Variants in CYTH2 observed in about 807,000 individuals in gnomAD.
CYTH2 encodes the protein cytohesin-2.
Under a neutral mutation model 55.4 loss-of-function variants are expected in CYTH2, and 24 were observed. The ratio of observed to expected loss-of-function variants is 0.43; its 90% CI spans 0.31 to 0.61. The LOEUF (loss-of-function observed/expected upper bound fraction) is 0.61, where lower values mean the gene tolerates loss of function less well. CYTH2 is among the 20% of genes least tolerant of loss of function. The pLI is 0.08. For missense variants in CYTH2, 378 were observed against 533.5 expected, an observed-to-expected ratio of 0.71 and a Z score of 2.87; for synonymous variants, 221 against 209.6, an observed-to-expected ratio of 1.05 and a Z score of -0.47.
At chr19:48,475,112 A>C in intron 8 of CYTH2, 163 bp downstream of exon 8, 1 of 628,234 alleles carries the variant, frequency 1.6e-6, no homozygotes, top group Non-Finnish European at 2.7e-6. Flanking sequence ...TGAAAATAAA[A>C]TCAGGCCTGT....
At chr19:48,476,464 C>G (rs1040673916) in intron 8 of CYTH2, 1 of 153,312 alleles carries the variant, frequency 6.5e-6, no homozygotes, top group Non-Finnish European at 1.5e-5. Flanking sequence ...TCCCTGCATT[C>G]GATCCAAGGG....
chr19:48,474,016 A>G lies in CYTH2; in HGVS notation c.546A>G (p.Thr182=). 1 of 1,605,820 alleles carries G rather than the reference A, an allele frequency of 6.2e-7. No individual in the cohort carries two copies. Among genetic ancestry groups the G allele is most frequent in the Non-Finnish European group, 8.5e-7 (1 of 1,176,208 alleles). ...GCAACCCTGGGGTTTTCCAGTCCAC[A>G]GGTGCGGGCCCCAAATCCTGGGTCC... ...CLCNPGVFQS[T]DTCYVLSFAV... The change falls in exon 6 of 12, where the codon ACA becomes ACG. Residue 182 remains threonine, a splice_region_variant and synonymous_variant. Transcript: ENST00000452733. The surrounding 1 kb of genome is among the most constrained non-coding windows in gnomAD (Gnocchi z 4.9).
At chr19:48,477,652 C>T (rs1971943074) in intron 8 of CYTH2, 1 of 194,540 alleles carries the variant, frequency 5.1e-6, no homozygotes, top group Non-Finnish European at 1.1e-5. Context: ...CTTGGGGGTG[C>T]TCCATTCTCC....
At chr19:48,475,054 T>G in intron 8 of CYTH2, 105 bp downstream of exon 8, 1 of 993,038 alleles carries the variant, frequency 1.0e-6, no homozygotes, top group South Asian at 1.5e-5. Flanking sequence ...CTGAGGCAAA[T>G]GATTCGACCT....
At chr19:48,478,193 G>T (rs762203041) in intron 9 of CYTH2, 48 bp downstream of exon 9, 1 of 1,612,506 alleles carries the variant, frequency 6.2e-7, no homozygotes, top group South Asian at 1.1e-5. Context: ...GGAGTGGCTG[G>T]GAGCCTGGAC....
At chr19:48,477,934 C>G (rs960489064) in intron 8 of CYTH2, 135 bp from the exon 9 acceptor site, 11 of 653,694 alleles carry the variant, frequency 1.7e-5, no homozygotes, top group South Asian at 5.7e-5. Flanking sequence ...TCTGTCTCCC[C>G]CAACGCAGCG....
chr19:48,470,155 T>A (rs1971760713), intron 1 of CYTH2, 198 bp from the exon 2 acceptor site: 1 of 877,140 alleles, frequency 1.1e-6, no homozygotes, highest in African/African-American at 1.7e-5. Context: ...CAATTCCCCT[T>A]GTCCCCCAGG....
intron 8 of CYTH2, chr19:48,477,398 G>C (rs376122231): frequency 2.0e-5 from 3 of 153,364 alleles, no homozygotes; most frequent in East Asian, 1.9e-4. Flanking sequence ...CAGACCCTAG[G>C]GGGTAGGCTG....
chr19:48,470,341 C>T lies in CYTH2; in HGVS notation c.20-12C>T, dbSNP rs190636502. 16 of 1,600,800 alleles carry T rather than the reference C, an allele frequency of 1.0e-5. No individual in the cohort carries two copies. In the East Asian group the frequency reaches 3.6e-4, roughly 36 times the overall value. ...CTAGCACTGACTTTTAAACCTTGAC[C>T]CCGATCCCTAGAACCCCCAGACCTG... On this transcript the variant is annotated splice_polypyrimidine_tract_variant and intron_variant, in intron 1 of 11. Coordinates refer to ENST00000452733, the MANE Select transcript of CYTH2 (RefSeq NM_004228.7).
chr19:48,473,844 TGA>T, intron 5 of CYTH2, 59 bp from the exon 6 acceptor site: 2 of 1,352,600 alleles, frequency 1.5e-6, no homozygotes, highest in Non-Finnish European at 1.0e-6. Flanking sequence ...ACACAGGGAC[TGA>T]GAGTGGGGAC....
chr19:48,472,307 C>G lies in CYTH2; in HGVS notation c.235-18C>G, dbSNP rs2147504769. The stretch of plus-strand genomic sequence containing the variant: ...GCTTTCTGGCCCTCAGCACTGAGAC[C>G]TTGTCCCCACCCACCAGGGGATCCA... On this transcript the variant is annotated intron_variant, in intron 3 of 11. Coordinates refer to ENST00000452733, the MANE Select transcript of CYTH2 (RefSeq NM_004228.7). The G allele has an allele frequency of 2.5e-6, 4 of 1,612,800 alleles. No homozygotes were observed. Among genetic ancestry groups the G allele is most frequent in the Non-Finnish European group, 3.4e-6 (4 of 1,179,306 alleles).
rs527846893 is a variant in CYTH2 at position 48,469,442 on chromosome 19, G to T, written c.-66G>T. The T allele has an allele frequency of 1.5e-6, 2 of 1,320,890 alleles. No individual in the cohort carries two copies. Among genetic ancestry groups the T allele is most frequent in the East Asian group, 6.2e-5 (2 of 32,046 alleles). 81.8% of individuals were successfully genotyped at this position (1,320,890 alleles called of 1,614,324 possible). On this transcript the variant is annotated 5_prime_UTR_variant, in exon 1 of 12. Transcript: ENST00000452733. The stretch of plus-strand genomic sequence containing the variant: ...TGAGCGGGCTCACCCGAGCCCGCGG[G>T]CCAACGCGGATCCAGGCCCGACTGG...
rs1389839940 is a variant in CYTH2 at position 48,478,117 on chromosome 19, A to G, written c.857A>G (p.Asn286Ser). 1 of 1,614,036 alleles carries G rather than the reference A, an allele frequency of 6.2e-7. No homozygotes were observed. Among genetic ancestry groups the G allele is most frequent in the Non-Finnish European group, 8.5e-7 (1 of 1,179,978 alleles). ...WKRRWFILTD[N>S]CLYYFEYTTD... ...CGGCGCTGGTTTATCCTCACAGACA[A>G]CTGCCTCTACTACTTTGAGTACACC... is the stretch of plus-strand genomic sequence containing the variant. The change falls in exon 9 of 12, where the codon AAC becomes AGC. Residue 286 changes from asparagine (N) to serine (S), a missense_variant. Coordinates refer to ENST00000452733, the MANE Select transcript of CYTH2 (RefSeq NM_004228.7).
chr19:48,469,837 G>T, intron 1 of CYTH2: 1 of 579,620 alleles, frequency 1.7e-6, no homozygotes, highest in African/African-American at 1.9e-5. Context: ...GCCGGGGCCG[G>T]GGAGGGGCGC....
intron 3 of CYTH2, among the ~76,000 whole-genome samples, chr19:48,471,307 A>G (rs1407345704): frequency 6.6e-6 from 1 of 152,062 alleles, no homozygotes; most frequent in East Asian, 1.9e-4. Flanking sequence ...TCCCACCACC[A>G]TGCCCAGCTA....
intron 3 of CYTH2, 83 bp from the exon 4 acceptor site, chr19:48,472,242 A>T: frequency 8.4e-7 from 1 of 1,190,586 alleles, no homozygotes; most frequent in Non-Finnish European, 1.2e-6. Context: ...GGGTGGGGGT[A>T]GGTCTGGATG....
chr19:48,469,538 AG>A lies in CYTH2; in HGVS notation c.19+16del. 1.5e-6 allele frequency: 2 copies of A among 1,323,428 alleles called. No homozygotes were observed. The highest frequency in any genetic ancestry group is 1.9e-6 in the Non-Finnish European group (2 of 1,029,070). 82.0% of individuals were successfully genotyped at this position (1,323,428 alleles called of 1,614,324 possible). A position where few individuals can be genotyped will look rare whatever the true frequency, so the allele number is the denominator to read the frequency against. ...GGACGGCGTCTATGGTAGGTCGGGG[AG>A]GGGCGGGGTCGGCTGGGAGTTGCTG... On this transcript the variant is annotated intron_variant, in intron 1 of 11. Transcript: ENST00000452733.
chr19:48,472,559 G>A, intron 4 of CYTH2, 116 bp downstream of exon 4: 2 of 865,710 alleles, frequency 2.3e-6, no homozygotes, highest in Non-Finnish European at 3.8e-6. Context: ...CCGCAGAGGG[G>A]CCCTGGCAGA....
rs774194050 is a variant in CYTH2, at chr19:48,479,229, A to G, written c.*19A>G. On this transcript the variant is annotated 3_prime_UTR_variant, in exon 12 of 12. Transcript: ENST00000452733. ...GCCCTGACCCCCTGCCCCCAACTCC[A>G]TTATTTATTACGGAGCTGCCCCGCC... 3.7e-6 allele frequency: 6 copies of G among 1,613,238 alleles called. No homozygotes were observed. Among genetic ancestry groups the G allele is most frequent in the South Asian group, 2.2e-5 (2 of 91,080 alleles).
Sources: allele counts gnomAD v4.1 joint callset (sites outside exome capture counted in the v4.1 genomes callset), GRCh38; gene constraint gnomAD v4.1.1; non-coding constraint Gnocchi (gnomAD v3.1); transcripts MANE v1.5; gene names NCBI Gene and HGNC (gene_info 2026-07-23, HGNC 2026-07-21).